CLNK: variants seen among roughly 807,000 people sequenced by gnomAD.
The protein encoded by CLNK is cytokine-dependent hematopoietic cell linker.
Under a neutral mutation model 68.6 loss-of-function variants are expected in CLNK, and 74 were observed. That is an observed-to-expected ratio of 1.08 (90% confidence interval 0.89 to 1.31). The LOEUF is 1.31. Ranked by LOEUF, CLNK falls within the 50% of genes most tolerant of loss-of-function variation. The probability of loss-of-function intolerance (pLI) is 0.00; values close to 1 mark genes in which losing one functional copy is unlikely to be tolerated. For missense variants in CLNK, 553 were observed against 515.3 expected (o/e 1.07, Z -0.71); for synonymous variants, 198 against 172.2 (o/e 1.15, Z -1.17).
At chr4:10,510,268 C>A (rs1039618922) in intron 16 of CLNK, among the ~76,000 whole-genome samples, 19 of 152,104 alleles carry the variant, frequency 1.2e-4, no homozygotes, top group African/African-American at 4.3e-4. Flanking sequence ...TCTTTCTAGC[C>A]CCCCTGAATA....
chr4:10,710,067 T>C, the CLNK span, among the ~76,000 whole-genome samples: 2 of 152,230 alleles, frequency 1.3e-5, no homozygotes, highest in African/African-American at 4.8e-5. Context: ...GATATGATAA[T>C]CATTTGATTG....
At chr4:10,640,176 T>A (rs1282448846) in intron 2 of CLNK, among the ~76,000 whole-genome samples, 1 of 150,816 alleles carries the variant, frequency 6.6e-6, no homozygotes, top group Non-Finnish European at 1.5e-5. Flanking sequence ...TTTTTGTCTC[T>A]TTTTTTTGAG....
upstream of CLNK, among the ~76,000 whole-genome samples, chr4:10,685,468 A>G (rs1450462099): frequency 6.6e-6 from 1 of 152,208 alleles, no homozygotes; most frequent in African/African-American, 2.4e-5. Flanking sequence ...GTTTGGGCAC[A>G]TATCAGTTGC....
At chr4:10,498,415 C>A (rs1463825245) in intron 18 of CLNK, among the ~76,000 whole-genome samples, 2 of 152,206 alleles carry the variant, frequency 1.3e-5, no homozygotes, top group African/African-American at 4.8e-5. Context: ...TGGCGTGAAC[C>A]CTGCAGGCGG....
chr4:10,691,536 C>G, the CLNK span, among the ~76,000 whole-genome samples: 3 of 151,964 alleles, frequency 2.0e-5, no homozygotes, highest in Admixed American at 1.3e-4. Context: ...GCATCCATTG[C>G]TAGCAATTTA....
chr4:10,498,365 G>A (rs575401741), intron 18 of CLNK, among the ~76,000 whole-genome samples: 57 of 152,206 alleles, frequency 3.7e-4, no homozygotes, highest in East Asian at 1.4e-3. Flanking sequence ...GGTGGTGGGC[G>A]CCTGTAGTCC....
At chr4:10,591,107 G>A (rs2108840927) in intron 3 of CLNK, among the ~76,000 whole-genome samples, 1 of 152,270 alleles carries the variant, frequency 6.6e-6, no homozygotes, top group South Asian at 2.1e-4. Flanking sequence ...CAGACAGTAG[G>A]GAATCTGGAG....
intron 2 of CLNK, among the ~76,000 whole-genome samples, chr4:10,623,975 C>T (rs540679423): frequency 6.6e-5 from 10 of 152,308 alleles, no homozygotes; most frequent in Admixed American, 3.3e-4. Flanking sequence ...CAGCAAGGTA[C>T]GTGTTTAACG....
intron 1 of CLNK, among the ~76,000 whole-genome samples, chr4:10,677,612 A>C (rs1724925470): frequency 6.6e-6 from 1 of 151,934 alleles, no homozygotes; most frequent in Non-Finnish European, 1.5e-5. Flanking sequence ...AGTTCTCACA[A>C]GATCTGATGG....
At chr4:10,540,394 G>A in intron 11 of CLNK, 100 bp downstream of exon 11, 1 of 825,170 alleles carries the variant, frequency 1.2e-6, no homozygotes, top group South Asian at 1.5e-5. Flanking sequence ...CACCCATTAG[G>A]GAGCCTGCTC....
chr4:10,625,245 T>C (rs1190005908), intron 2 of CLNK, among the ~76,000 whole-genome samples: 1 of 152,160 alleles, frequency 6.6e-6, no homozygotes, highest in Non-Finnish European at 1.5e-5. Context: ...CAGGGAAACA[T>C]TAGCCGATAT....
chr4:10,542,172 T>TA, intron 9 of CLNK, 83 bp downstream of exon 9: 1 of 1,186,054 alleles, frequency 8.4e-7, no homozygotes, highest in Non-Finnish European at 1.2e-6. Flanking sequence ...TTTCTAGAGA[T>TA]ATCTGAGTTT....
At chr4:10,531,629 T>C (rs775246130) in intron 12 of CLNK, 94 of 401,354 alleles carry the variant, frequency 2.3e-4, no homozygotes, top group Middle Eastern at 1.4e-3. Flanking sequence ...TTTGTAGAGA[T>C]GGGGTTTCTT....
intron 16 of CLNK, 134 bp downstream of exon 16, chr4:10,513,330 A>G (rs997740757): frequency 5.8e-6 from 4 of 686,338 alleles, no homozygotes; most frequent in African/African-American, 5.6e-5. Flanking sequence ...AAATATTAAA[A>G]CCCAGTAACA....
chr4:10,618,633 G>C (rs539599834), intron 2 of CLNK, among the ~76,000 whole-genome samples: 2 of 152,116 alleles, frequency 1.3e-5, no homozygotes, highest in African/African-American at 4.8e-5. Flanking sequence ...CAGGCTGTAC[G>C]GGAAGCATAG....
intron 2 of CLNK, among the ~76,000 whole-genome samples, chr4:10,638,416 C>A (rs1307786242): frequency 6.6e-6 from 1 of 152,152 alleles, no homozygotes; most frequent in African/African-American, 2.4e-5. Context: ...CACCCTGAAT[C>A]AAAGGTGGCT....
chr4:10,560,570 A>G (rs572154675), intron 7 of CLNK, among the ~76,000 whole-genome samples: 5 of 152,020 alleles, frequency 3.3e-5, no homozygotes, highest in African/African-American at 4.8e-5. Flanking sequence ...CAGCCTCCCA[A>G]GTAGCTGGGA....
intron 5 of CLNK, among the ~76,000 whole-genome samples, chr4:10,571,184 G>A (rs1029727902): frequency 1.3e-5 from 2 of 152,094 alleles, no homozygotes; most frequent in South Asian, 2.1e-4. Flanking sequence ...CCTTCACAAT[G>A]ACCATGTTAA....
chr4:10,708,349 T>C, the CLNK span, among the ~76,000 whole-genome samples: 2 of 152,254 alleles, frequency 1.3e-5, no homozygotes, highest in Non-Finnish European at 2.9e-5. Context: ...GCATATTAAC[T>C]TGTTTAATCT....
Sources: allele counts gnomAD v4.1 joint callset (sites outside exome capture counted in the v4.1 genomes callset), GRCh38; gene constraint gnomAD v4.1.1; transcripts MANE v1.5; gene names NCBI Gene and HGNC (gene_info 2026-07-23, HGNC 2026-07-21).